TMEM272: variants seen among roughly 807,000 people sequenced by gnomAD.
TMEM272 encodes transmembrane protein 272.
In TMEM272, 8 loss-of-function variants were observed where a neutral mutation model predicts 3.7. The ratio of observed to expected loss-of-function variants is 2.17; its 90% CI spans 1.27 to 3.91. TMEM272 has a LOEUF of 3.91. Among genes scored for constraint, TMEM272 ranks in the 30% most tolerant of loss-of-function variants. The pLI, the probability that TMEM272 is intolerant of heterozygous loss-of-function variation, is 0.00. For missense variants in TMEM272, 166 were observed against 91.5 expected, an observed-to-expected ratio of 1.81 and a Z score of -3.32; for synonymous variants, 63 against 39.8, an observed-to-expected ratio of 1.58 and a Z score of -2.20.
chr13:51,897,555 T>G, the TMEM272 span, among the ~76,000 whole-genome samples: 4 of 151,860 alleles, frequency 2.6e-5, no homozygotes, highest in Non-Finnish European at 4.4e-5. Context: ...AAATCTGTCT[T>G]CCCTGGAGGG....
chr13:51,907,236 A>G, the TMEM272 span, among the ~76,000 whole-genome samples: 1 of 152,204 alleles, frequency 6.6e-6, no homozygotes, highest in Non-Finnish European at 1.5e-5. Flanking sequence ...GAGAGGCCAC[A>G]TGAAGACAGA....
At chr13:51,920,176 ATTTTGCGCTGCTGCCTG>A in the TMEM272 span, among the ~76,000 whole-genome samples, 2 of 62,776 alleles carry the variant, frequency 3.2e-5, no homozygotes, top group Non-Finnish European at 6.1e-5. Flanking sequence ...TGCTGCCTGT[ATTTTGCGCTGCTGCCTG>A]TATTTTGCAC....
chr13:51,914,200 C>T, the TMEM272 span, among the ~76,000 whole-genome samples: 2 of 152,216 alleles, frequency 1.3e-5, no homozygotes, highest in East Asian at 3.8e-4. Flanking sequence ...TCACCAGTTC[C>T]ACGGGTGCTA....
chr13:51,826,608 G>C lies in TMEM272; in HGVS notation c.76C>G (p.Leu26Val), dbSNP rs533003286. 2.8e-6 allele frequency: 2 copies of C among 702,614 alleles called. No individual in the cohort carries two copies. Among genetic ancestry groups the C allele is most frequent in the East Asian group, 2.7e-5 (1 of 37,290 alleles). 43.5% of individuals were successfully genotyped at this position (702,614 alleles called of 1,614,324 possible). The change falls in exon 3 of 5, where the codon CTC becomes GTC. Residue 26 changes from leucine (L) to valine (V), a missense_variant. Coordinates refer to ENST00000629372, the MANE Select transcript of TMEM272 (RefSeq NM_001351003.2). ...AGCGGCAGAGCCAGGAAAGCACAGAGCACAACAACGAAGCAGGCTGCAAGG... is the reference window on the plus strand; with the variant it reads ...AGCGGCAGAGCCAGGAAAGCACAGACCACAACAACGAAGCAGGCTGCAAGG... ...IASNACFVVV[L>V]CAFLALPLSM...
At chr13:51,923,786 C>T in the TMEM272 span, among the ~76,000 whole-genome samples, 3 of 152,014 alleles carry the variant, frequency 2.0e-5, no homozygotes, top group Non-Finnish European at 4.4e-5. Context: ...GGGGACAATC[C>T]CCCAAGCCCA....
At chr13:51,885,574 G>T in the TMEM272 span, among the ~76,000 whole-genome samples, 6 of 152,210 alleles carry the variant, frequency 3.9e-5, no homozygotes, top group Admixed American at 2.6e-4. Flanking sequence ...TATAATTCAA[G>T]ATGAGATTTG....
chr13:51,907,980 A>G, the TMEM272 span, among the ~76,000 whole-genome samples: 47 of 152,368 alleles, frequency 3.1e-4, 1 homozygote, highest in Non-Finnish European at 5.9e-4. Context: ...CTGTTTAGAT[A>G]ATAGTGGATT....
At chr13:51,930,636 T>A in the TMEM272 span, 1 of 152,118 alleles carries the variant, frequency 6.6e-6, no homozygotes, top group Non-Finnish European at 1.5e-5. Context: ...TTCCTTGTTT[T>A]TTTTTTAAAA....
chr13:51,923,003 G>A, the TMEM272 span, among the ~76,000 whole-genome samples: 1 of 152,238 alleles, frequency 6.6e-6, no homozygotes, highest in Admixed American at 6.5e-5. Context: ...AGGCTCTGAG[G>A]ATTCGGATGA....
At chr13:51,889,780 T>C in the TMEM272 span, among the ~76,000 whole-genome samples, 5 of 152,124 alleles carry the variant, frequency 3.3e-5, no homozygotes, top group Non-Finnish European at 5.9e-5. Context: ...TAGCTGAGAT[T>C]ACAGGCATGC....
intron 3 of TMEM272, among the ~76,000 whole-genome samples, chr13:51,823,401 A>C (rs1292595023): frequency 2.6e-5 from 4 of 152,232 alleles, no homozygotes; most frequent in Admixed American, 2.6e-4. Flanking sequence ...TTAAAAACTG[A>C]TACATGATTC....
the TMEM272 span, among the ~76,000 whole-genome samples, chr13:51,926,658 T>C: frequency 3.9e-3 from 568 of 146,800 alleles, 2 homozygotes; most frequent in African/African-American, 0.012. Flanking sequence ...GGTGTGGGTG[T>C]GTGTGCATGT....
At chr13:51,893,899 T>C in the TMEM272 span, among the ~76,000 whole-genome samples, 1 of 152,152 alleles carries the variant, frequency 6.6e-6, no homozygotes. Flanking sequence ...ATGCAGAACT[T>C]TGTATGATTT....
chr13:51,841,455 T>C (rs1280274122), intron 1 of TMEM272, among the ~76,000 whole-genome samples: 5 of 152,206 alleles, frequency 3.3e-5, no homozygotes, highest in Non-Finnish European at 5.9e-5. Flanking sequence ...CACAGCAGCT[T>C]TGCAGAAACT....
the TMEM272 span, among the ~76,000 whole-genome samples, chr13:51,912,848 T>C: frequency 3.9e-5 from 6 of 152,274 alleles, no homozygotes; most frequent in African/African-American, 1.2e-4. Context: ...CATACACGAA[T>C]GAAGCAGAAA....
the TMEM272 span, among the ~76,000 whole-genome samples, chr13:51,897,035 A>C: frequency 6.6e-6 from 1 of 152,162 alleles, no homozygotes; most frequent in Non-Finnish European, 1.5e-5. Flanking sequence ...CATAAACTTC[A>C]TGTTCAGGTT....
At chr13:51,821,357 C>A (rs1228422082) in intron 4 of TMEM272, among the ~76,000 whole-genome samples, 1 of 152,078 alleles carries the variant, frequency 6.6e-6, no homozygotes, top group African/African-American at 2.4e-5. Context: ...TTTCTGTGGG[C>A]CAGGGATCTT....
At chr13:51,833,657 C>T (rs140278592) in intron 2 of TMEM272, among the ~76,000 whole-genome samples, 84 of 152,218 alleles carry the variant, frequency 5.5e-4, no homozygotes, top group African/African-American at 1.9e-3. Flanking sequence ...AGGATGTATT[C>T]GGTTCAGAAT....
At chr13:51,870,468 A>C in the TMEM272 span, among the ~76,000 whole-genome samples, 2 of 152,172 alleles carry the variant, frequency 1.3e-5, no homozygotes, top group Admixed American at 1.3e-4. Flanking sequence ...AATGAAAGAG[A>C]AGAGGAGGGG....
Sources: allele counts gnomAD v4.1 joint callset (sites outside exome capture counted in the v4.1 genomes callset), GRCh38; gene constraint gnomAD v4.1.1; transcripts MANE v1.5; gene names NCBI Gene and HGNC (gene_info 2026-07-23, HGNC 2026-07-21).